The following CELSR1 variants were observed in gnomAD, a reference collection of about 807,000 sequenced individuals.
CELSR1 encodes the protein cadherin EGF LAG seven-pass G-type receptor 1.
A neutral mutation model predicts 249.1 loss-of-function variants in CELSR1; 110 were observed. That is an observed-to-expected ratio of 0.44 (90% confidence interval 0.38 to 0.52). The LOEUF (loss-of-function observed/expected upper bound fraction) is 0.52, where lower values mean the gene tolerates loss of function less well. Among genes scored for constraint, CELSR1 ranks in the 20% least tolerant of loss-of-function variants. The pLI, the probability that CELSR1 is intolerant of heterozygous loss-of-function variation, is 0.00. For synonymous variants in CELSR1, 2,113 were observed against 1,900.0 expected, an observed-to-expected ratio of 1.11 and a Z score of -2.92; for missense variants, 4,109 against 4,296.4, an observed-to-expected ratio of 0.96 and a Z score of 1.22.
chr22:46,477,489 T>G (rs892691769), intron 1 of CELSR1, among the ~76,000 whole-genome samples: 4 of 151,028 alleles, frequency 2.6e-5, no homozygotes, highest in African/African-American at 9.7e-5. Context: ...CGAGCCTGTT[T>G]TTTTGTTTTG....
chr22:46,440,022 G>A lies in CELSR1; in HGVS notation c.4184-611C>T, dbSNP rs1444352809. Among the ~76,000 whole-genome samples, 4 of 152,006 alleles carry A rather than the reference G, an allele frequency of 2.6e-5. No homozygotes were observed. Among genetic ancestry groups the A allele is most frequent in the Non-Finnish European group, 5.9e-5 (4 of 68,022 alleles). On this transcript the variant is annotated intron_variant, in intron 2 of 34. Coordinates refer to ENST00000674500, the MANE Select transcript of CELSR1 (RefSeq NM_001378328.1). The surrounding 1 kb of genome is among the most constrained non-coding windows in gnomAD (Gnocchi z 4.7). Reference sequence around the variant, plus strand: ...GCCCGTCTCGCCCACCAGCCTGTGAGCTCCTGAAGGGCAGGCACCACCCTA... The same window carrying A: ...GCCCGTCTCGCCCACCAGCCTGTGAACTCCTGAAGGGCAGGCACCACCCTA...
At position 46,490,449 on chromosome 22, in the gene CELSR1, G is replaced by A. The variant is rs1185386114; in HGVS notation, c.3545-26104C>T. Among the ~76,000 whole-genome samples the A allele has an allele frequency of 2.0e-5, 3 of 151,926 alleles. No homozygotes were observed. Among genetic ancestry groups the A allele is most frequent in the Non-Finnish European group, 4.4e-5 (3 of 68,004 alleles). On this transcript the variant is annotated intron_variant, in intron 1 of 34. Coordinates refer to ENST00000674500, the MANE Select transcript of CELSR1 (RefSeq NM_001378328.1). The surrounding 1 kb of genome is among the most constrained non-coding windows in gnomAD (Gnocchi z 5.2). Reference sequence around the variant, plus strand: ...TCACAGGCACCCACCATCTCGTCTGGCTAATTTTTGTATTTTTAGTAGAGA... The same window carrying A: ...TCACAGGCACCCACCATCTCGTCTGACTAATTTTTGTATTTTTAGTAGAGA...
At chr22:46,502,558 T>C (rs978478422) in intron 1 of CELSR1, among the ~76,000 whole-genome samples, 1 of 151,812 alleles carries the variant, frequency 6.6e-6, no homozygotes, top group African/African-American at 2.4e-5. Context: ...GGGACGTTAT[T>C]GAGAAACTGG....
Position 46,385,674 on chromosome 22 carries a change from AT to A in CELSR1, c.6739+727del, listed in dbSNP as rs747955777. ...GGAAACAGAGGCCTACCTGCCGAAT[AT>A]TTTTTTTTTTTTTTTTTTTTGAGAC... On this transcript the variant is annotated intron_variant, in intron 19 of 34. Transcript: ENST00000674500. Among the ~76,000 whole-genome samples the A allele has an allele frequency of 4.3e-3, 567 of 132,182 alleles. 2 individuals carry two copies. Among genetic ancestry groups the A allele is most frequent in the African/African-American group, 8.2e-3 (288 of 35,286 alleles). 86.7% of individuals were successfully genotyped at this position (132,182 alleles called of 152,430 possible). A position where few individuals can be genotyped will look rare whatever the true frequency, so the allele number is the denominator to read the frequency against.
intron 2 of CELSR1, among the ~76,000 whole-genome samples, chr22:46,452,700 A>C (rs1471424446): frequency 1.3e-5 from 2 of 152,212 alleles, no homozygotes; most frequent in Admixed American, 6.5e-5. Context: ...GTGGCAGCTC[A>C]GGAGGCCTCC....
chr22:46,479,786 T>C (rs1358811237), intron 1 of CELSR1, among the ~76,000 whole-genome samples: 1 of 152,164 alleles, frequency 6.6e-6, no homozygotes, highest in Non-Finnish European at 1.5e-5. Context: ...TAAGGTGCCA[T>C]GCCGGAGCAG....
Position 46,464,236 on chromosome 22 carries a change from C to G in CELSR1, c.3654G>C (p.Lys1218Asn). The change falls in exon 2 of 35, where the codon AAG (lysine) becomes AAC (asparagine). Residue 1218 changes from lysine (K) to asparagine (N), a missense_variant. Lys to Asn is a moderately conservative substitution (Grantham distance 94). Transcript: ENST00000674500. The surrounding 1 kb of genome is among the most constrained non-coding windows in gnomAD (Gnocchi z 8.5). ...AGAGGGCCAGCAGCGGGGACAGGAA[C>G]TTCTCCTGGGACATGTTCTCCAGGC... ...TVRLENMSQE[K>N]FLSPLLALFV... 6.2e-7 allele frequency: 1 copy of G among 1,613,794 alleles called. No individual in the cohort carries two copies. Among genetic ancestry groups the G allele is most frequent in the South Asian group, 1.1e-5 (1 of 91,084 alleles).
At position 46,445,730 on chromosome 22, in the gene CELSR1, G is replaced by A. The variant is rs2079811471; in HGVS notation, c.4184-6319C>T. On this transcript the variant is annotated intron_variant, in intron 2 of 34. Transcript: ENST00000674500. This position sits in a 1 kb window ranked among gnomAD's most constrained non-coding sequence, Gnocchi z 4.4. Reference sequence around the variant, plus strand: ...GTACATTCTAGCCTCTGCAAACCCGGTGCCCCGAGAGCAGCAGCGCCTGGC... The same window carrying A: ...GTACATTCTAGCCTCTGCAAACCCGATGCCCCGAGAGCAGCAGCGCCTGGC... 6.6e-6 allele frequency among the ~76,000 whole-genome samples: 1 copy of A among 152,208 alleles called. No homozygotes were observed. Among genetic ancestry groups the A allele is most frequent in the African/African-American group, 2.4e-5 (1 of 41,464 alleles).
rs1212728199 is a variant in CELSR1 at position 46,380,886 on chromosome 22, G to C, written c.7158C>G (p.Leu2386=). The C allele has an allele frequency of 1.2e-6, 2 of 1,613,370 alleles. No individual in the cohort carries two copies. The highest frequency in any genetic ancestry group is 1.7e-6 in the Non-Finnish European group (2 of 1,179,934). The stretch of plus-strand genomic sequence containing the variant: ...GGACGGGCCTCTCCAGGGGTCTCGG[G>C]AGCGGAGCCCCCTCGCTGTACACCA... ...STLVYSEGAP[L]PRPLERPVLV... is the part of the protein sequence containing the mutation. Residue 2386 remains leucine, a synonymous_variant, in exon 22 of 35, where the codon CTC becomes CTG. Coordinates refer to ENST00000674500, the MANE Select transcript of CELSR1 (RefSeq NM_001378328.1). This position sits in a 1 kb window ranked among gnomAD's most constrained non-coding sequence, Gnocchi z 5.1.
chr22:46,363,903 G>C lies in CELSR1; in HGVS notation c.9035+93C>G. 1.4e-6 allele frequency: 2 copies of C among 1,417,732 alleles called. No individual in the cohort carries two copies. Among genetic ancestry groups the C allele is most frequent in the Middle Eastern group, 2.6e-4 (1 of 3,882 alleles). The allele number at this position is 1,417,732 out of a possible 1,614,324, so 87.8% of individuals were successfully genotyped here. On this transcript the variant is annotated intron_variant, in intron 34 of 34. Transcript: ENST00000674500. The surrounding 1 kb of genome is among the most constrained non-coding windows in gnomAD (Gnocchi z 4.3). ...TGCACTCAGGGCTCCAGGTGAGGTG[G>C]GTGTCAGGTCCCTGACCACTGCCCC... is the stretch of plus-strand genomic sequence containing the variant.
In CELSR1 at chr22:46,488,157, C is replaced by A. The variant is rs143789753; in HGVS notation, c.3545-23812G>T. Reference sequence around the variant, plus strand: ...GGAGGGCTCTGCAGGCTGACAGCAGCTGGGTGACAGCAGGAAGCAGCTGTG... The same window carrying A: ...GGAGGGCTCTGCAGGCTGACAGCAGATGGGTGACAGCAGGAAGCAGCTGTG... On this transcript the variant is annotated intron_variant, in intron 1 of 34. Coordinates refer to ENST00000674500, the MANE Select transcript of CELSR1 (RefSeq NM_001378328.1). The surrounding 1 kb of genome is among the most constrained non-coding windows in gnomAD (Gnocchi z 4.7). 6.1e-4 allele frequency among the ~76,000 whole-genome samples: 92 copies of A among 152,020 alleles called. No individual in the cohort carries two copies. The highest frequency in any genetic ancestry group is 7.7e-4 in the Non-Finnish European group (52 of 67,920).
intron 1 of CELSR1, among the ~76,000 whole-genome samples, chr22:46,497,827 T>C (rs1004510406): frequency 1.3e-5 from 2 of 152,176 alleles, no homozygotes; most frequent in Non-Finnish European, 2.9e-5. Context: ...ACCTTTATAA[T>C]GTATTTATTG....
At chr22:46,475,329 G>A (rs538025378) in intron 1 of CELSR1, among the ~76,000 whole-genome samples, 1 of 152,286 alleles carries the variant, frequency 6.6e-6, no homozygotes, top group African/African-American at 2.4e-5. Context: ...CAACACAGAT[G>A]AGCCTTGAAG....
rs143105367 is a variant in CELSR1, at chr22:46,463,929, C to T, written c.3961G>A (p.Val1321Ile). Residue 1321 changes from valine (V) to isoleucine (I), a missense_variant, in exon 2 of 35, where the codon GTT becomes ATT. This residue lies in a region of CELSR1 where 141 missense variants were observed against 209.4 expected (regional missense o/e 0.67). Coordinates refer to ENST00000674500, the MANE Select transcript of CELSR1 (RefSeq NM_001378328.1). ...PCENYMKCVS[V>I]LRFDSSAPFL... ...GGCGCGGAGCTGTCGAATCGCAGAA[C>T]GGACACGCACTTCATGTAGTTCTCG... is the stretch of plus-strand genomic sequence containing the variant. 7.4e-6 allele frequency: 12 copies of T among 1,613,990 alleles called. No individual in the cohort carries two copies. Among genetic ancestry groups the T allele is most frequent in the South Asian group, 1.1e-5 (1 of 91,082 alleles).
At chr22:46,369,616 C>A in intron 26 of CELSR1, 76 bp downstream of exon 26, 1 of 1,404,108 alleles carries the variant, frequency 7.1e-7, no homozygotes, top group East Asian at 2.3e-5. Flanking sequence ...GTTGGTGGCC[C>A]CAGCCAACCC....
At position 46,408,385 on chromosome 22, in the gene CELSR1, G is replaced by A. The variant is rs375767656; in HGVS notation, c.5226+611C>T. On this transcript the variant is annotated intron_variant, in intron 9 of 34. Transcript: ENST00000674500. The surrounding 1 kb of genome is among the most constrained non-coding windows in gnomAD (Gnocchi z 4.6). ...TCTGTCTTGTCGTCCAGACTGGAGT[G>A]TGGTGACACGTTCTCGGGTCACTGC... 1.1e-3 allele frequency among the ~76,000 whole-genome samples: 169 copies of A among 152,290 alleles called. 5 individuals are homozygous for A. The South Asian group carries it at 0.033, about 30-fold the overall frequency.
chr22:46,368,969 C>T (rs1012433242), intron 27 of CELSR1, among the ~76,000 whole-genome samples: 1 of 151,088 alleles, frequency 6.6e-6, no homozygotes, highest in African/African-American at 2.5e-5. Context: ...AGCTAACCTC[C>T]TCCAGCCCCC....
At chr22:46,530,873 C>A (rs957065002) in intron 1 of CELSR1, among the ~76,000 whole-genome samples, 1 of 151,858 alleles carries the variant, frequency 6.6e-6, no homozygotes, top group African/African-American at 2.4e-5. Context: ...TCCCACTAAA[C>A]GTAGTCGATG....
intron 17 of CELSR1, among the ~76,000 whole-genome samples, chr22:46,389,924 C>G (rs973864517): frequency 6.6e-6 from 1 of 152,042 alleles, no homozygotes; most frequent in African/African-American, 2.4e-5. Flanking sequence ...TGTCCTCTAG[C>G]TTAGGAGATA....
Sources: gnomAD v4.1 joint callset for allele counts (sites outside exome capture counted in the v4.1 genomes callset) on GRCh38, gnomAD v4.1.1 for gene constraint, gnomAD v4.1.1 regional missense constraint, Gnocchi (gnomAD v3.1) non-coding constraint, MANE v1.5 for transcripts, NCBI Gene and HGNC (gene_info 2026-07-23, HGNC 2026-07-21) for gene names.